Variants in CD82 observed in about 807,000 individuals in gnomAD.
The protein encoded by CD82 is CD82 molecule.
CD82 carries 36 observed loss-of-function variants against 37.4 expected under a neutral mutation model. That is an observed-to-expected ratio of 0.96 (90% CI 0.74 to 1.27). The LOEUF (loss-of-function observed/expected upper bound fraction) is 1.27, where lower values mean the gene tolerates loss of function less well. Ranked by LOEUF, CD82 falls within the 50% of genes most tolerant of loss-of-function variation. The pLI is 0.00. For synonymous variants in CD82, 158 were observed against 137.4 expected (o/e 1.15, Z -1.05); for missense variants, 340 against 347.0 (o/e 0.98, Z 0.16).
chr11:44,604,629 G>A, intron 4 of CD82: 1 of 191,950 alleles, frequency 5.2e-6, no homozygotes, highest in South Asian at 8.7e-5. Context: ...TGTCAATTCC[G>A]CAGATATTCA....
intron 4 of CD82, among the ~76,000 whole-genome samples, chr11:44,602,599 T>C (rs61878765): frequency 0.04 from 6,089 of 152,252 alleles, 192 homozygotes; most frequent in Middle Eastern, 0.092. Flanking sequence ...AGAATCTACT[T>C]TTCTTATCCC....
At chr11:44,591,579 C>T (rs1853145953) in intron 2 of CD82, among the ~76,000 whole-genome samples, 1 of 152,148 alleles carries the variant, frequency 6.6e-6, no homozygotes, top group Non-Finnish European at 1.5e-5. Context: ...TGGCTACTGT[C>T]CAGGAGGGAC....
rs548036933 is a variant in CD82 at position 44,589,802 on chromosome 11, C to T, written c.-21+2246C>T. ...GGCTGTTTTCTTTCTCCAAAGTTCC[C>T]GTGCTAAGGGTAGTCGTGACCCTTG... On this transcript the variant is annotated intron_variant, in intron 2 of 9. Transcript: ENST00000227155. Among the ~76,000 whole-genome samples the T allele has an allele frequency of 2.6e-5, 4 of 152,292 alleles. No homozygotes were observed. The East Asian group carries it at 5.8e-4, about 22-fold the overall frequency.
chr11:44,580,411 G>A (rs1450908751), intron 1 of CD82, among the ~76,000 whole-genome samples: 3 of 152,194 alleles, frequency 2.0e-5, no homozygotes, highest in Admixed American at 6.5e-5. Context: ...ACTGAGGCTC[G>A]GAAAAGTTAA....
intron 1 of CD82, among the ~76,000 whole-genome samples, chr11:44,578,491 T>C (rs1852932629): frequency 6.6e-6 from 1 of 152,144 alleles, no homozygotes; most frequent in African/African-American, 2.4e-5. Context: ...TCCAGCTCCA[T>C]GTGGCCCAGG....
intron 3 of CD82, among the ~76,000 whole-genome samples, chr11:44,599,156 T>TG (rs1379487723): frequency 2.0e-5 from 3 of 152,320 alleles, no homozygotes; most frequent in East Asian, 3.9e-4. Flanking sequence ...TTTTCCTTTT[T>TG]GTGGGGGGCA....
intron 3 of CD82, among the ~76,000 whole-genome samples, 156 bp from the exon 4 acceptor site, chr11:44,600,002 G>A (rs994189300): frequency 2.6e-5 from 4 of 152,142 alleles, no homozygotes; most frequent in South Asian, 2.1e-4. Context: ...ATGTGGGACC[G>A]GAGGCCATCT....
At chr11:44,618,546 C>A in intron 8 of CD82, 94 bp from the exon 9 acceptor site, 1 of 1,176,750 alleles carries the variant, frequency 8.5e-7, no homozygotes, top group Non-Finnish European at 1.2e-6. Context: ...TCTGTAGGGG[C>A]TTCCGGGCTG....
At chr11:44,613,196 G>T (rs141940957) in intron 6 of CD82, among the ~76,000 whole-genome samples, 46 of 152,262 alleles carry the variant, frequency 3.0e-4, no homozygotes, top group South Asian at 4.2e-4. Flanking sequence ...GCCTTCTAGG[G>T]TCCCTCGCCC....
At chr11:44,575,298 T>C (rs1426018362) in intron 1 of CD82, among the ~76,000 whole-genome samples, 1 of 152,248 alleles carries the variant, frequency 6.6e-6, no homozygotes, top group Non-Finnish European at 1.5e-5. Flanking sequence ...TGTGGTGTCA[T>C]TAACTAATCA....
rs946233956 is a variant in CD82, at chr11:44,618,612, G to T, written c.643-28G>T. The T allele has an allele frequency of 1.9e-6, 3 of 1,581,058 alleles. No individual in the cohort carries two copies. In the African/African-American group the frequency reaches 4.0e-5, roughly 21 times the overall value. On this transcript the variant is annotated intron_variant, in intron 8 of 9. Transcript: ENST00000227155. ...GCGGGGTGGGATGGTGCAGAGCGGGGTGATGTGACCGCATTCTGCCCTTGC... is the reference window on the plus strand; with the variant it reads ...GCGGGGTGGGATGGTGCAGAGCGGGTTGATGTGACCGCATTCTGCCCTTGC...
chr11:44,611,609 A>G (rs1381015180), intron 6 of CD82, among the ~76,000 whole-genome samples: 2 of 152,214 alleles, frequency 1.3e-5, no homozygotes, highest in African/African-American at 2.4e-5. Flanking sequence ...GCAGGCAGAA[A>G]CAATGGAGCG....
intron 1 of CD82, among the ~76,000 whole-genome samples, chr11:44,581,154 C>T (rs1480069848): frequency 2.0e-5 from 3 of 152,198 alleles, no homozygotes; most frequent in Non-Finnish European, 2.9e-5. Flanking sequence ...CCCAATTAAT[C>T]TAGGCTGGGC....
At chr11:44,618,551 G>T in intron 8 of CD82, 89 bp from the exon 9 acceptor site, 1 of 1,218,548 alleles carries the variant, frequency 8.2e-7, no homozygotes, top group East Asian at 2.3e-5. Flanking sequence ...AGGGGCTTCC[G>T]GGCTGGGACT....
chr11:44,578,774 G>C (rs1421005705), intron 1 of CD82, among the ~76,000 whole-genome samples: 1 of 152,244 alleles, frequency 6.6e-6, no homozygotes, highest in Non-Finnish European at 1.5e-5. Flanking sequence ...GACCAGGGGG[G>C]ATGGGGTCCC....
chr11:44,600,874 A>G (rs572293173), intron 4 of CD82, among the ~76,000 whole-genome samples: 1 of 152,340 alleles, frequency 6.6e-6, no homozygotes, highest in African/African-American at 2.4e-5. Context: ...TGAAGTTCAC[A>G]CAGCTTCTAA....
intron 6 of CD82, chr11:44,606,162 T>G (rs3781751): frequency 0.23 from 34,727 of 152,304 alleles, 4,284 homozygotes; most frequent in East Asian, 0.31. Flanking sequence ...CGCTGTGGCC[T>G]GAAGATGGGG....
chr11:44,577,327 A>C (rs879671006), intron 1 of CD82, among the ~76,000 whole-genome samples: 3 of 152,060 alleles, frequency 2.0e-5, no homozygotes, highest in Non-Finnish European at 2.9e-5. Context: ...GTTTCACCTG[A>C]ATGCCATCAC....
intron 7 of CD82, among the ~76,000 whole-genome samples, chr11:44,617,284 C>G (rs1853577570): frequency 1.3e-5 from 2 of 152,122 alleles, no homozygotes; most frequent in South Asian, 4.1e-4. Flanking sequence ...ACCAGCTAGC[C>G]AAGGTGGCTC....
Sources: allele counts gnomAD v4.1 joint callset (sites outside exome capture counted in the v4.1 genomes callset), GRCh38; gene constraint gnomAD v4.1.1; transcripts MANE v1.5; gene names NCBI Gene and HGNC (gene_info 2026-07-23, HGNC 2026-07-21).